STARD10: variants seen among roughly 807,000 people sequenced by gnomAD.
STARD10 encodes START domain-containing protein 10.
STARD10 carries 24 observed loss-of-function variants against 36.0 expected under a neutral mutation model. That is an observed-to-expected ratio of 0.67 (90% CI 0.48 to 0.94). STARD10 has a LOEUF of 0.94. Ranked by LOEUF, STARD10 falls within the 40% of genes least tolerant of loss-of-function variation. The pLI is 0.00. For synonymous variants in STARD10, 156 were observed against 161.9 expected (o/e 0.96, Z 0.28); for missense variants, 335 against 396.6 (o/e 0.84, Z 1.32).
intron 1 of STARD10, among the ~76,000 whole-genome samples, chr11:72,784,756 G>C (rs2135038504): frequency 6.6e-6 from 1 of 152,324 alleles, no homozygotes; most frequent in East Asian, 1.9e-4. Flanking sequence ...GCTGCTCTCT[G>C]GGTCCCAGTT....
intron 2 of STARD10, among the ~76,000 whole-genome samples, chr11:72,763,978 C>T (rs1033695542): frequency 6.6e-5 from 10 of 152,302 alleles, no homozygotes; most frequent in African/African-American, 2.4e-4. Flanking sequence ...GACTCAAAAT[C>T]GGATCTCCCT....
intron 2 of STARD10, among the ~76,000 whole-genome samples, chr11:72,777,209 G>A (rs534957980): frequency 6.6e-6 from 1 of 152,364 alleles, no homozygotes; most frequent in African/African-American, 2.4e-5. Flanking sequence ...TGCCTCTCAT[G>A]CGGCCAGCCT....
intron 1 of STARD10, chr11:72,785,811 T>C (rs1859064661): frequency 6.6e-6 from 1 of 152,528 alleles, no homozygotes; most frequent in Non-Finnish European, 1.5e-5. Context: ...CCACCCCTAC[T>C]CACCATCTAG....
chr11:72,765,391 G>A (rs1193579552), intron 2 of STARD10, among the ~76,000 whole-genome samples: 4 of 152,070 alleles, frequency 2.6e-5, no homozygotes, highest in South Asian at 4.1e-4. Flanking sequence ...GTGAAAAACC[G>A]GGATTCCCGA....
chr11:72,755,896 C>A (rs1858638258), intron 5 of STARD10, 143 bp from the exon 6 acceptor site: 1 of 685,558 alleles, frequency 1.5e-6, no homozygotes, highest in South Asian at 1.9e-5. Flanking sequence ...GTCCTACAAG[C>A]CTTTACCCTC....
chr11:72,776,156 T>G (rs1029239193), intron 2 of STARD10, among the ~76,000 whole-genome samples: 1 of 152,160 alleles, frequency 6.6e-6, no homozygotes, highest in Non-Finnish European at 1.5e-5. Context: ...CTGGATCCCC[T>G]TCTAGGGACC....
intron 2 of STARD10, among the ~76,000 whole-genome samples, chr11:72,769,101 G>A (rs1858827737): frequency 1.3e-5 from 2 of 152,150 alleles, no homozygotes; most frequent in South Asian, 4.1e-4. Context: ...AGGGCTGGGG[G>A]GTGGAGGCAT....
Position 72,771,300 on chromosome 11 carries a change from A to T in STARD10, c.207+9675T>A, listed in dbSNP as rs576751061. On this transcript the variant is annotated intron_variant, in intron 2 of 6. Coordinates refer to ENST00000334805, the MANE Select transcript of STARD10 (RefSeq NM_006645.3). ...CTAGGGCTTTTGAGGGTGTGTGTGG[A>T]GTTCAGGGGATGTTGGGGCTGGCTT... is the stretch of plus-strand genomic sequence containing the variant. Among the ~76,000 whole-genome samples the T allele has an allele frequency of 2.0e-4, 31 of 152,146 alleles. No homozygotes were observed. The South Asian group carries it at 5.6e-3, about 28-fold the overall frequency.
chr11:72,764,850 G>T (rs1004904236), intron 2 of STARD10, among the ~76,000 whole-genome samples: 1 of 152,184 alleles, frequency 6.6e-6, no homozygotes, highest in East Asian at 1.9e-4. Context: ...GGCTGCCCCC[G>T]GAGAAACTCC....
At chr11:72,765,718 C>A (rs1858778538) in intron 2 of STARD10, among the ~76,000 whole-genome samples, 1 of 152,112 alleles carries the variant, frequency 6.6e-6, no homozygotes, top group Non-Finnish European at 1.5e-5. Context: ...CACCTGTAAT[C>A]CCAGCACTTC....
At position 72,781,240 on chromosome 11, in the gene STARD10, G is replaced by T. The variant is rs1830287777; in HGVS notation, c.-59C>A. ...AGTCCGGCTCTCCTGGGTCCTCCGC[G>T]GAGGCTCCGACAACGTCGACGCGGC... On this transcript the variant is annotated 5_prime_UTR_variant, in exon 2 of 7. Coordinates refer to ENST00000334805, the MANE Select transcript of STARD10 (RefSeq NM_006645.3). The surrounding 1 kb of genome is among the most constrained non-coding windows in gnomAD (Gnocchi z 4.7). The T allele has an allele frequency of 1.3e-6, 2 of 1,502,262 alleles. No individual in the cohort carries two copies. The highest frequency in any genetic ancestry group is 1.4e-5 in the African/African-American group (1 of 72,532). 93.1% of individuals were successfully genotyped at this position (1,502,262 alleles called of 1,614,324 possible).
In STARD10 at chr11:72,754,875, C is replaced by A. The variant is rs769486299; in HGVS notation, c.*22G>T. On this transcript the variant is annotated 3_prime_UTR_variant, in exon 7 of 7. Coordinates refer to ENST00000334805, the MANE Select transcript of STARD10 (RefSeq NM_006645.3). The stretch of plus-strand genomic sequence containing the variant: ...CCCAGGGCTCGCCCGGTCCTGTCTC[C>A]GTCCCTGAAGCGGTGCGGCGCTCAG... 6.3e-7 allele frequency: 1 copy of A among 1,587,884 alleles called. No individual in the cohort carries two copies. Among genetic ancestry groups the A allele is most frequent in the East Asian group, 2.2e-5 (1 of 44,522 alleles).
At position 72,777,056 on chromosome 11, in the gene STARD10, C is replaced by G. The variant is rs1231970603; in HGVS notation, c.207+3919G>C. Among the ~76,000 whole-genome samples, 3 of 152,222 alleles carry G rather than the reference C, an allele frequency of 2.0e-5. No homozygotes were observed. In the East Asian group the frequency reaches 5.8e-4, roughly 29 times the overall value. ...TCCCACACCTGCTCCAGGGCCAGGT[C>G]TCTCCTGTCATGGGCTCAGGCTCTT... On this transcript the variant is annotated intron_variant, in intron 2 of 6. Transcript: ENST00000334805.
rs547506391 is a variant in STARD10, at chr11:72,767,263, C to T, written c.208-7882G>A. ...CAGCACCCCGCAAAGGAGACAGGGG[C>T]ACCTGGACCATGGACCCCACAGGGG... On this transcript the variant is annotated intron_variant, in intron 2 of 6. Transcript: ENST00000334805. 8.2e-4 allele frequency among the ~76,000 whole-genome samples: 125 copies of T among 152,300 alleles called. 1 individual carries two copies. Among genetic ancestry groups the T allele is most frequent in the African/African-American group, 2.7e-3 (114 of 41,546 alleles).
At chr11:72,759,158 G>A (rs974238079) in intron 3 of STARD10, 76 bp downstream of exon 3, 4 of 1,546,256 alleles carry the variant, frequency 2.6e-6, no homozygotes, top group African/African-American at 2.7e-5. Context: ...ACAGGAGGGA[G>A]GGGGGAAGAG....
intron 1 of STARD10, chr11:72,785,814 C>G (rs1859064689): frequency 6.5e-6 from 1 of 152,678 alleles, no homozygotes. Flanking sequence ...CCCCTACTCA[C>G]CATCTAGTTC....
chr11:72,792,069 A>G (rs1859150748), intron 1 of STARD10, among the ~76,000 whole-genome samples: 2 of 56,920 alleles, frequency 3.5e-5, no homozygotes, highest in Admixed American at 2.5e-4. Flanking sequence ...TTTTTTTTTG[A>G]GACAGAGTCT....
chr11:72,767,540 C>A (rs1002621378), intron 2 of STARD10, among the ~76,000 whole-genome samples: 1 of 152,194 alleles, frequency 6.6e-6, no homozygotes, highest in Non-Finnish European at 1.5e-5. Context: ...AGGACTGGCC[C>A]AGCTAAAACA....
intron 1 of STARD10, among the ~76,000 whole-genome samples, chr11:72,785,619 A>C (rs1412852601): frequency 1.3e-5 from 2 of 148,256 alleles, no homozygotes; most frequent in African/African-American, 5.0e-5. Context: ...TCAGCTCCTA[A>C]CCTGAGGGTC....
Sources: gnomAD v4.1 joint callset for allele counts (sites outside exome capture counted in the v4.1 genomes callset) on GRCh38, gnomAD v4.1.1 for gene constraint, Gnocchi (gnomAD v3.1) non-coding constraint, MANE v1.5 for transcripts, NCBI Gene and HGNC (gene_info 2026-07-23, HGNC 2026-07-21) for gene names.